MEF2C: variants seen among roughly 807,000 people sequenced by gnomAD.
MEF2C encodes the protein myocyte enhancer factor 2C.
MEF2C carries 6 observed loss-of-function variants against 50.5 expected under a neutral mutation model. The ratio of observed to expected loss-of-function variants is 0.12; its 90% CI spans 0.07 to 0.23. The LOEUF (loss-of-function observed/expected upper bound fraction) is 0.23. Ranked by LOEUF, MEF2C falls within the 10% of genes least tolerant of loss-of-function variation. The pLI is 1.00. For synonymous variants in MEF2C, 183 were observed against 228.0 expected (o/e 0.80, Z 1.78); for missense variants, 276 against 605.0 (o/e 0.46, Z 5.70).
intron 2 of MEF2C, among the ~76,000 whole-genome samples, chr5:88,820,916 T>C (rs1285807542): frequency 6.6e-6 from 1 of 151,962 alleles, no homozygotes; most frequent in Non-Finnish European, 1.5e-5. Flanking sequence ...ATGTTTGAAA[T>C]TGTCAACAGC....
intron 2 of MEF2C, among the ~76,000 whole-genome samples, chr5:88,811,343 CA>C (rs1054058313): frequency 6.6e-6 from 1 of 152,142 alleles, no homozygotes; most frequent in African/African-American, 2.4e-5. Flanking sequence ...GAAAGAGATT[CA>C]AAACAAGGGA....
At chr5:88,750,045 A>T in intron 5 of MEF2C, 1 of 474,784 alleles carries the variant, frequency 2.1e-6, no homozygotes, top group Non-Finnish European at 2.7e-6. Flanking sequence ...AAAAAAAATT[A>T]CTTTTAGTTT....
intron 10 of MEF2C, among the ~76,000 whole-genome samples, chr5:88,726,454 T>C (rs981778775): frequency 1.3e-5 from 2 of 152,080 alleles, no homozygotes; most frequent in Admixed American, 6.6e-5. Context: ...AGGTAGTCCA[T>C]GTGAAGGAAC....
chr5:88,793,901 T>C (rs921499059), intron 3 of MEF2C, among the ~76,000 whole-genome samples: 1 of 152,168 alleles, frequency 6.6e-6, no homozygotes, highest in Non-Finnish European at 1.5e-5. Context: ...GGTGTTTGGT[T>C]TTCTGTTCCT....
intron 1 of MEF2C, among the ~76,000 whole-genome samples, chr5:88,899,278 A>G (rs114892043): frequency 0.01 from 1,584 of 152,196 alleles, 32 homozygotes; most frequent in African/African-American, 0.036. Context: ...AGTTTTAATT[A>G]CTTGGAATGC....
chr5:88,815,762 A>T (rs1053983348), intron 2 of MEF2C, among the ~76,000 whole-genome samples: 4 of 151,998 alleles, frequency 2.6e-5, no homozygotes, highest in Non-Finnish European at 5.9e-5. Context: ...AGAAGTGCAG[A>T]CTGCAGAGGA....
chr5:88,872,879 T>C (rs145269876), intron 1 of MEF2C, among the ~76,000 whole-genome samples: 2 of 152,012 alleles, frequency 1.3e-5, no homozygotes. Context: ...TATGGACATG[T>C]TTGTCTAATA....
chr5:88,741,002 T>G, intron 6 of MEF2C: 2 of 985,454 alleles, frequency 2.0e-6, no homozygotes, highest in South Asian at 4.7e-5. Flanking sequence ...TTTTAACATT[T>G]ACACAACTGC....
At chr5:88,730,571 G>A (rs543310173) in intron 7 of MEF2C, among the ~76,000 whole-genome samples, 1 of 152,276 alleles carries the variant, frequency 6.6e-6, no homozygotes, top group South Asian at 2.1e-4. Flanking sequence ...CTGCCAGAGA[G>A]GGACCTAACT....
chr5:88,740,798 T>G (rs1466034717), intron 6 of MEF2C: 1 of 985,254 alleles, frequency 1.0e-6, no homozygotes, highest in Non-Finnish European at 1.2e-6. Context: ...TCCATTTAAC[T>G]ATGAATGATA....
intron 3 of MEF2C, among the ~76,000 whole-genome samples, chr5:88,786,091 G>A (rs1580680401): frequency 6.6e-6 from 1 of 151,856 alleles, no homozygotes; most frequent in Non-Finnish European, 1.5e-5. Flanking sequence ...CCAGTTAGAA[G>A]ACATTTGTTA....
rs796052736 is a variant in MEF2C at position 88,761,031 on chromosome 5, A to AT, written c.402+153dup. 3.1e-6 allele frequency: 5 copies of AT among 1,610,916 alleles called. No individual in the cohort carries two copies. The highest frequency in any genetic ancestry group is 1.1e-5 in the South Asian group (1 of 90,132). ...GATCATATTATCAAATTCTTCATTA[A>AT]TTTTTTTGTATTTTTCTTCAGTGCG... On this transcript the variant is annotated intron_variant, in intron 4 of 10. Transcript: ENST00000504921.
At chr5:88,834,976 T>G (rs1035771951) in intron 1 of MEF2C, among the ~76,000 whole-genome samples, 1 of 152,222 alleles carries the variant, frequency 6.6e-6, no homozygotes, top group South Asian at 2.1e-4. Context: ...TTATAAAAAT[T>G]GTAAATACTT....
At chr5:88,880,690 C>T (rs958176544) in intron 1 of MEF2C, among the ~76,000 whole-genome samples, 2 of 151,498 alleles carry the variant, frequency 1.3e-5, no homozygotes, top group African/African-American at 4.9e-5. Flanking sequence ...ATCTTTTCCC[C>T]CAAATTTTTC....
At chr5:88,740,041 A>T (rs1765861821) in intron 6 of MEF2C, 1 of 985,234 alleles carries the variant, frequency 1.0e-6, no homozygotes, top group South Asian at 4.7e-5. Context: ...TCTTAGAGAA[A>T]TACCCCAAGA....
chr5:88,809,937 C>T (rs749822034), intron 2 of MEF2C, among the ~76,000 whole-genome samples: 7 of 152,076 alleles, frequency 4.6e-5, no homozygotes, highest in Non-Finnish European at 7.4e-5. Flanking sequence ...TCCTCCAGCA[C>T]TTTTTACAAA....
At chr5:88,825,431 G>A (rs1810437142) in intron 1 of MEF2C, 2 of 934,056 alleles carry the variant, frequency 2.1e-6, no homozygotes, top group Non-Finnish European at 2.6e-6. Context: ...TAATATGTAT[G>A]TTGAGTAACA....
chr5:88,718,002 A>G lies in MEF2C; in HGVS notation c.*4602T>C, dbSNP rs2151980635. On this transcript the variant is annotated 3_prime_UTR_variant, in exon 11 of 11. Coordinates refer to ENST00000504921, the MANE Select transcript of MEF2C (RefSeq NM_002397.5). ...CTTTGATAAAGAAGTTGAACCATTC[A>G]ATAAGAACCTTAGACTTCCACCACT... The G allele has an allele frequency of 6.6e-6, 1 of 152,310 alleles. No individual in the cohort carries two copies. The allele number at this position is 152,310 out of a possible 1,614,324, so 9.4% of individuals were successfully genotyped here. A position where few individuals can be genotyped will look rare whatever the true frequency, so the allele number is the denominator to read the frequency against.
chr5:88,729,686 A>T (rs767741460), intron 8 of MEF2C, among the ~76,000 whole-genome samples: 16 of 151,596 alleles, frequency 1.1e-4, no homozygotes, highest in East Asian at 3.9e-4. Flanking sequence ...AATGCAAATT[A>T]AAAAAAAATT....
Sources: gnomAD v4.1 joint callset for allele counts (sites outside exome capture counted in the v4.1 genomes callset) on GRCh38, gnomAD v4.1.1 for gene constraint, MANE v1.5 for transcripts, NCBI Gene and HGNC (gene_info 2026-07-23, HGNC 2026-07-21) for gene names.